The following KHDRBS3 variants were observed in gnomAD, a reference collection of about 807,000 sequenced individuals.
The protein encoded by KHDRBS3 is KH domain-containing, RNA-binding, signal transduction-associated protein 3.
In KHDRBS3, 23 loss-of-function variants were observed where a neutral mutation model predicts 45.6. The observed-to-expected ratio is 0.50, with a 90% CI of 0.36 to 0.72. The LOEUF (loss-of-function observed/expected upper bound fraction) is 0.72, where lower values mean the gene tolerates loss of function less well. KHDRBS3 is among the 30% of genes least tolerant of loss of function. The pLI is 0.00. For missense variants in KHDRBS3, 352 were observed against 424.8 expected, an observed-to-expected ratio of 0.83 and a Z score of 1.51; for synonymous variants, 162 against 156.5, an observed-to-expected ratio of 1.04 and a Z score of -0.26.
intron 6 of KHDRBS3, among the ~76,000 whole-genome samples, chr8:135,595,503 T>C (rs6577650): frequency 0.77 from 117,867 of 152,136 alleles, 45,964 homozygotes; most frequent in East Asian, 0.96. Flanking sequence ...TATTAGACTA[T>C]GCGATAATCT....
At chr8:135,504,451 T>C (rs1349264012) in intron 1 of KHDRBS3, among the ~76,000 whole-genome samples, 1 of 152,228 alleles carries the variant, frequency 6.6e-6, no homozygotes, top group Non-Finnish European at 1.5e-5. Flanking sequence ...ACTTGGCTGG[T>C]TGTAGCATTT....
chr8:135,506,721 A>G (rs1824014198), intron 1 of KHDRBS3, among the ~76,000 whole-genome samples: 2 of 149,636 alleles, frequency 1.3e-5, no homozygotes, highest in Admixed American at 1.3e-4. Flanking sequence ...AATATTTTAA[A>G]GACAGTTAGT....
At chr8:135,461,592 T>A (rs1821435512) in intron 1 of KHDRBS3, among the ~76,000 whole-genome samples, 1 of 152,226 alleles carries the variant, frequency 6.6e-6, no homozygotes, top group South Asian at 2.1e-4. Flanking sequence ...TTATATTTGC[T>A]AGTAGGGGAT....
Position 135,554,762 on chromosome 8 carries a change from A to G in KHDRBS3, c.472-2686A>G, listed in dbSNP as rs144622038. On this transcript the variant is annotated intron_variant, in intron 4 of 8. Transcript: ENST00000355849. ...TTTTAATTCCAGAATGCCTTCTACT[A>G]CAAGTTTCAAGTCATTTTTTGCATT... 1.9e-3 allele frequency among the ~76,000 whole-genome samples: 282 copies of G among 152,308 alleles called. 1 individual carries two copies. Among genetic ancestry groups the G allele is most frequent in the Non-Finnish European group, 3.6e-3 (244 of 68,026 alleles).
intron 7 of KHDRBS3, among the ~76,000 whole-genome samples, chr8:135,632,863 A>G (rs185672192): frequency 1.0e-3 from 159 of 152,206 alleles, no homozygotes; most frequent in African/African-American, 3.8e-3. Flanking sequence ...TGTACCAAGA[A>G]TGTGTCCCCT....
intron 5 of KHDRBS3, among the ~76,000 whole-genome samples, chr8:135,581,509 T>TC (rs796868595): frequency 6.6e-6 from 1 of 152,150 alleles, no homozygotes; most frequent in South Asian, 2.1e-4. Context: ...AGTTTCCTTG[T>TC]CCTGAGATAA....
chr8:135,617,033 C>T (rs536536637), intron 7 of KHDRBS3, among the ~76,000 whole-genome samples: 3 of 151,934 alleles, frequency 2.0e-5, no homozygotes, highest in Non-Finnish European at 4.4e-5. Context: ...GTCAGCTCTA[C>T]TACTTTCTTA....
chr8:135,483,443 T>C (rs759933995), intron 1 of KHDRBS3, among the ~76,000 whole-genome samples: 5 of 152,160 alleles, frequency 3.3e-5, no homozygotes, highest in Non-Finnish European at 5.9e-5. Context: ...TGGGGTGTAG[T>C]AAGATGTTGT....
intron 6 of KHDRBS3, among the ~76,000 whole-genome samples, chr8:135,583,194 T>C (rs982378935): frequency 7.2e-5 from 11 of 152,230 alleles, no homozygotes; most frequent in Non-Finnish European, 1.3e-4. Flanking sequence ...TGTGAACCTC[T>C]GGAAGGGCAG....
At chr8:135,643,180 C>T (rs530268997) in intron 7 of KHDRBS3, among the ~76,000 whole-genome samples, 3 of 152,272 alleles carry the variant, frequency 2.0e-5, no homozygotes, top group African/African-American at 7.2e-5. Flanking sequence ...CCTGCCTCTG[C>T]TTTGCATATT....
At chr8:135,605,153 G>A (rs900148291) in intron 6 of KHDRBS3, among the ~76,000 whole-genome samples, 1 of 151,952 alleles carries the variant, frequency 6.6e-6, no homozygotes, top group African/African-American at 2.4e-5. Flanking sequence ...TGAGCTTCTT[G>A]GATGTGTAGA....
chr8:135,541,415 A>T (rs1648552833), intron 2 of KHDRBS3: 2 of 152,230 alleles, frequency 1.3e-5, no homozygotes, highest in Admixed American at 1.3e-4. Flanking sequence ...TTTACTGAAA[A>T]TGGCATTTTA....
At chr8:135,583,271 T>C (rs967438293) in intron 6 of KHDRBS3, among the ~76,000 whole-genome samples, 1 of 152,224 alleles carries the variant, frequency 6.6e-6, no homozygotes, top group African/African-American at 2.4e-5. Flanking sequence ...TGAATTATAT[T>C]TTAACAAATC....
At chr8:135,505,882 TCTG>T (rs1402364948) in intron 1 of KHDRBS3, among the ~76,000 whole-genome samples, 1 of 151,886 alleles carries the variant, frequency 6.6e-6, no homozygotes, top group Non-Finnish European at 1.5e-5. Flanking sequence ...ATCACTCTGA[TCTG>T]CTGCCAGGAA....
intron 7 of KHDRBS3, among the ~76,000 whole-genome samples, chr8:135,611,780 A>G (rs1829716774): frequency 1.3e-5 from 2 of 151,890 alleles, no homozygotes; most frequent in Non-Finnish European, 2.9e-5. Context: ...TAGGGTTTCA[A>G]TATATGAGTT....
At chr8:135,458,221 C>T in intron 1 of KHDRBS3, 3 of 1,238,972 alleles carry the variant, frequency 2.4e-6, no homozygotes, top group Non-Finnish European at 3.0e-6. Flanking sequence ...CTCGGGCACA[C>T]CCAGGGGAAA....
At chr8:135,498,226 G>T (rs1823558271) in intron 1 of KHDRBS3, among the ~76,000 whole-genome samples, 5 of 152,152 alleles carry the variant, frequency 3.3e-5, no homozygotes, top group Admixed American at 3.3e-4. Flanking sequence ...ATTCTTTTGG[G>T]GATGACAAAT....
At chr8:135,636,894 A>T (rs1361259525) in intron 7 of KHDRBS3, among the ~76,000 whole-genome samples, 2 of 152,224 alleles carry the variant, frequency 1.3e-5, no homozygotes, top group East Asian at 3.8e-4. Context: ...TACTCTGAAC[A>T]CATTTAACAA....
intron 1 of KHDRBS3, among the ~76,000 whole-genome samples, chr8:135,491,692 A>G (rs1168770116): frequency 6.6e-6 from 1 of 152,184 alleles, no homozygotes; most frequent in Non-Finnish European, 1.5e-5. Context: ...TGTGTCATTC[A>G]GGAAGCCCTG....
Sources: gnomAD v4.1 joint callset for allele counts (sites outside exome capture counted in the v4.1 genomes callset) on GRCh38, gnomAD v4.1.1 for gene constraint, MANE v1.5 for transcripts, NCBI Gene and HGNC (gene_info 2026-07-23, HGNC 2026-07-21) for gene names.